Variants in HMCN1 observed in about 807,000 individuals in gnomAD.
HMCN1 encodes hemicentin-1.
HMCN1 carries 321 observed loss-of-function variants against 625.9 expected under a neutral mutation model. The observed-to-expected ratio is 0.51, with a 90% CI of 0.47 to 0.56. The LOEUF is 0.56. Among genes scored for constraint, HMCN1 ranks in the 20% least tolerant of loss-of-function variants. The pLI is 0.00. For synonymous variants in HMCN1, 2,425 were observed against 2,417.6 expected (o/e 1.00, Z -0.09); for missense variants, 6,588 against 6,887.3 (o/e 0.96, Z 1.54).
intron 2 of HMCN1, among the ~76,000 whole-genome samples, chr1:185,854,610 GT>G (rs1268837870): frequency 1.3e-5 from 2 of 152,098 alleles, no homozygotes; most frequent in African/African-American, 2.4e-5. Context: ...TTACATAAAT[GT>G]TTAAACTAGG....
At position 186,119,213 on chromosome 1, in the gene HMCN1, C is replaced by T. The variant is rs370095269; in HGVS notation, c.11871C>T (p.Thr3957=). ...TAGGAGCAATTGAAATACTTGCCAC[C>T]CAATTAAACCATGCTGGAAGATACA... ...LSSGAIEILA[T]QLNHAGRYTC... The change falls in exon 78 of 107, where the codon ACC becomes ACT. Residue 3957 remains threonine (T), a synonymous_variant. Transcript: ENST00000271588. 6.2e-7 allele frequency: 1 copy of T among 1,613,336 alleles called. No homozygotes were observed. Among genetic ancestry groups the T allele is most frequent in the African/African-American group, 1.3e-5 (1 of 74,798 alleles).
intron 4 of HMCN1, among the ~76,000 whole-genome samples, chr1:185,873,180 T>G (rs1013936959): frequency 2.6e-5 from 4 of 152,170 alleles, no homozygotes; most frequent in Non-Finnish European, 5.9e-5. Context: ...ATATCAAGTT[T>G]GACTATGAGA....
intron 11 of HMCN1, among the ~76,000 whole-genome samples, chr1:185,938,033 T>C (rs1667907514): frequency 2.0e-5 from 3 of 151,772 alleles, no homozygotes; most frequent in South Asian, 2.1e-4. Flanking sequence ...TTATACTATA[T>C]AAAAAATCAT....
Position 185,865,846 on chromosome 1 carries a change from A to C in HMCN1, c.604A>C (p.Lys202Gln). 6.2e-7 allele frequency: 1 copy of C among 1,613,696 alleles called. No homozygotes were observed. Among genetic ancestry groups the C allele is most frequent in the Non-Finnish European group, 8.5e-7 (1 of 1,179,844 alleles). Residue 202 changes from lysine to glutamine, a missense_variant, in exon 4 of 107, where the codon AAA becomes CAA. Lys to Gln is a moderately conservative substitution (Grantham distance 53). Coordinates refer to ENST00000271588, the MANE Select transcript of HMCN1 (RefSeq NM_031935.3). ...TSSGQVFHLD[K>Q]KQVNEVLKWV... The stretch of plus-strand genomic sequence containing the variant: ...TTCTGGTCAAGTGTTCCATCTGGAC[A>C]AAAAACAAGTTAATGAGGTCAGTTT...
In HMCN1 at chr1:186,070,766, CA is replaced by C; in HGVS notation, c.8139+11del. 1 of 1,613,506 alleles carries C rather than the reference CA, an allele frequency of 6.2e-7. No homozygotes were observed. Among genetic ancestry groups the C allele is most frequent in the East Asian group, 2.2e-5 (1 of 44,822 alleles). On this transcript the variant is annotated intron_variant, in intron 52 of 106. Coordinates refer to ENST00000271588, the MANE Select transcript of HMCN1 (RefSeq NM_031935.3). ...GGTACAAGGATGGACAGGCCAGTCA[CA>C]ACTTTTTTCATTTGCTGATGATTTC...
At chr1:185,777,563 T>C (rs547044689) in intron 1 of HMCN1, among the ~76,000 whole-genome samples, 1 of 152,312 alleles carries the variant, frequency 6.6e-6, no homozygotes, top group South Asian at 2.1e-4. Context: ...GTGATTCTCC[T>C]GCCTCAACCT....
chr1:185,888,063 G>A lies in HMCN1; in HGVS notation c.622-21274G>A, dbSNP rs938706186. Among the ~76,000 whole-genome samples the A allele has an allele frequency of 1.1e-4, 16 of 139,944 alleles. 1 individual carries two copies. Among genetic ancestry groups the A allele is most frequent in the Non-Finnish European group, 7.7e-5 (5 of 65,284 alleles). The allele number at this position is 139,944 out of a possible 152,430, so 91.8% of individuals were successfully genotyped here. On this transcript the variant is annotated intron_variant, in intron 4 of 106. Coordinates refer to ENST00000271588, the MANE Select transcript of HMCN1 (RefSeq NM_031935.3). Reference sequence around the variant, plus strand: ...TTGCATTTCACTGATGGCCAGTGATGATGAGCATTTTTTCATGTGTTTTTT... The same window carrying A: ...TTGCATTTCACTGATGGCCAGTGATAATGAGCATTTTTTCATGTGTTTTTT...
rs1433973550 is a variant in HMCN1 at position 186,081,215 on chromosome 1, A to G, written c.8608A>G (p.Ile2870Val). 3 of 1,613,548 alleles carry G rather than the reference A, an allele frequency of 1.9e-6. No individual in the cohort carries two copies. Among genetic ancestry groups the G allele is most frequent in the South Asian group, 2.2e-5 (2 of 91,072 alleles). ...TTGCAATCCTTTGTTAGTGCCGCCA[A>G]TTATCAAGGGAGCAAATAGTGATCT... ...QYDVRVLVPP[I>V]IKGANSDLPE... is the part of the protein sequence containing the mutation. The change falls in exon 56 of 107, where the codon ATT becomes GTT. Residue 2870 changes from isoleucine to valine, a missense_variant. Transcript: ENST00000271588.
intron 1 of HMCN1, among the ~76,000 whole-genome samples, chr1:185,791,719 CAA>C (rs948164567): frequency 1.3e-5 from 2 of 148,956 alleles, no homozygotes; most frequent in Non-Finnish European, 2.9e-5. Flanking sequence ...AACTCCATCT[CAA>C]AAATAAACAA....
intron 4 of HMCN1, among the ~76,000 whole-genome samples, chr1:185,892,291 G>A (rs1665153038): frequency 6.6e-6 from 1 of 151,166 alleles, no homozygotes. Flanking sequence ...TTGATCATCT[G>A]AAGCCTTCTT....
rs1188365703 is a variant in HMCN1, at chr1:186,152,724, C to A, written c.14897-26C>A. 6 of 1,613,060 alleles carry A rather than the reference C, an allele frequency of 3.7e-6. No homozygotes were observed. In the East Asian group the frequency reaches 1.1e-4, roughly 30 times the overall value. ...TACAGAAACCATATTTTTTTGCTGT[C>A]AAAATGAATGTCTTGTAATTCCCAG... On this transcript the variant is annotated intron_variant, in intron 95 of 106. Coordinates refer to ENST00000271588, the MANE Select transcript of HMCN1 (RefSeq NM_031935.3).
intron 4 of HMCN1, among the ~76,000 whole-genome samples, chr1:185,889,669 C>G (rs1038649512): frequency 2.9e-5 from 4 of 138,454 alleles, no homozygotes; most frequent in Non-Finnish European, 6.0e-5. Flanking sequence ...CCCACTTGAT[C>G]ATGGTGGATA....
rs1454635559 is a variant in HMCN1, at chr1:186,003,733, T to C, written c.4364T>C (p.Ile1455Thr). 1 of 1,613,278 alleles carries C rather than the reference T, an allele frequency of 6.2e-7. No individual in the cohort carries two copies. The highest frequency in any genetic ancestry group is 2.2e-5 in the East Asian group (1 of 44,830). ...NIDVLVPPTIIGTNFPNEVSV... is the reference protein window; with the variant it reads ...NIDVLVPPTITGTNFPNEVSV... ...TTTGTTCAAGTTCCACCCACCATAA[T>C]AGGTACCAACTTCCCAAATGAAGTC... The change falls in exon 29 of 107, where the codon ATA becomes ACA. Residue 1455 changes from isoleucine (I) to threonine (T), a missense_variant. Coordinates refer to ENST00000271588, the MANE Select transcript of HMCN1 (RefSeq NM_031935.3).
At chr1:185,991,721 AAAC>A (rs1236765168) in intron 22 of HMCN1, among the ~76,000 whole-genome samples, 1 of 151,990 alleles carries the variant, frequency 6.6e-6, no homozygotes, top group Non-Finnish European at 1.5e-5. Flanking sequence ...TTAAAAAAAA[AAAC>A]AAGGCTTTTC....
At chr1:186,087,061 A>G (rs1659542176) in intron 58 of HMCN1, among the ~76,000 whole-genome samples, 156 bp from the exon 59 acceptor site, 1 of 152,136 alleles carries the variant, frequency 6.6e-6, no homozygotes, top group Non-Finnish European at 1.5e-5. Context: ...GAAAGATCAA[A>G]GAAAACTGAT....
At chr1:185,827,188 A>G (rs1002119349) in intron 1 of HMCN1, among the ~76,000 whole-genome samples, 32 of 150,090 alleles carry the variant, frequency 2.1e-4, no homozygotes, top group African/African-American at 6.6e-4. Flanking sequence ...AAAAAAAAAA[A>G]GAAAAAAAAT....
intron 1 of HMCN1, among the ~76,000 whole-genome samples, chr1:185,834,965 G>T (rs1039871169): frequency 6.6e-6 from 1 of 152,008 alleles, no homozygotes; most frequent in East Asian, 1.9e-4. Flanking sequence ...TGTAGAGATG[G>T]GCATTTTTCT....
chr1:186,130,116 C>G lies in HMCN1; in HGVS notation c.13039+16C>G, dbSNP rs769607225. 1.2e-6 allele frequency: 2 copies of G among 1,612,662 alleles called. No homozygotes were observed. The highest frequency in any genetic ancestry group is 4.5e-5 in the East Asian group (2 of 44,832). ...TATGTGAAAGGTAGGGAAAAGCGCT[C>G]CATTTTTAATTTATAATGCATTCAT... On this transcript the variant is annotated intron_variant, in intron 84 of 106. Transcript: ENST00000271588.
intron 36 of HMCN1, among the ~76,000 whole-genome samples, chr1:186,037,016 C>G (rs1297250421): frequency 4.0e-5 from 6 of 151,710 alleles, no homozygotes; most frequent in Admixed American, 1.3e-4. Context: ...CTTATTTCTA[C>G]TATTTTTTCT....
Sources: allele counts gnomAD v4.1 joint callset (sites outside exome capture counted in the v4.1 genomes callset), GRCh38; gene constraint gnomAD v4.1.1; transcripts MANE v1.5; gene names NCBI Gene and HGNC (gene_info 2026-07-23, HGNC 2026-07-21).